KPNA1: variants seen among roughly 807,000 people sequenced by gnomAD.
The protein encoded by KPNA1 is karyopherin subunit alpha 1, also known as importin subunit alpha-5.
A neutral mutation model predicts 70.5 loss-of-function variants in KPNA1; 10 were observed. The ratio of observed to expected loss-of-function variants is 0.14; its 90% CI spans 0.09 to 0.24. KPNA1 has a LOEUF of 0.24. KPNA1 is among the 10% of genes least tolerant of loss of function. KPNA1 has a pLI of 1.00. For missense variants in KPNA1, 397 were observed against 637.9 expected, an observed-to-expected ratio of 0.62 and a Z score of 4.07; for synonymous variants, 192 against 221.9, an observed-to-expected ratio of 0.87 and a Z score of 1.20.
chr3:122,461,340 GA>G lies in KPNA1; in HGVS notation c.338-23del, dbSNP rs746212810. 1,266 of 1,439,392 alleles carry G rather than the reference GA, an allele frequency of 8.8e-4. 1 individual carries two copies. Among genetic ancestry groups the G allele is most frequent in the African/African-American group, 2.2e-3 (150 of 68,596 alleles). The allele number at this position is 1,439,392 out of a possible 1,614,324, so 89.2% of individuals were successfully genotyped here. ...GGTTCTGTTTCCCCATAAAATAAAA[GA>G]AAAAAAAAATCCTTTGATTTCAATG... is the stretch of plus-strand genomic sequence containing the variant. On this transcript the variant is annotated intron_variant, in intron 4 of 13. Coordinates refer to ENST00000344337, the MANE Select transcript of KPNA1 (RefSeq NM_002264.4).
chr3:122,495,877 A>C (rs2076754521), intron 2 of KPNA1, among the ~76,000 whole-genome samples: 1 of 152,216 alleles, frequency 6.6e-6, no homozygotes, highest in African/African-American at 2.4e-5. Context: ...ATACAGAATT[A>C]ATCTGGAATA....
At chr3:122,483,760 T>G (rs1279630532) in intron 2 of KPNA1, among the ~76,000 whole-genome samples, 1 of 152,216 alleles carries the variant, frequency 6.6e-6, no homozygotes, top group Non-Finnish European at 1.5e-5. Context: ...AATGCTTTTC[T>G]TAAGAGGTGA....
chr3:122,427,454 G>A, intron 13 of KPNA1, 84 bp downstream of exon 13: 1 of 1,307,596 alleles, frequency 7.6e-7, no homozygotes, highest in Non-Finnish European at 1.1e-6. Context: ...CCAGTGCCTA[G>A]CAGTAGTAGT....
intron 10 of KPNA1, among the ~76,000 whole-genome samples, chr3:122,439,782 T>G (rs1421559447): frequency 6.6e-6 from 1 of 152,126 alleles, no homozygotes. Flanking sequence ...AGTACGTAAT[T>G]TGATGGGGAT....
chr3:122,433,533 C>T (rs2075942323), intron 12 of KPNA1, 128 bp downstream of exon 12: 1 of 666,544 alleles, frequency 1.5e-6, no homozygotes, highest in South Asian at 2.9e-5. Context: ...GTAAGATCGT[C>T]TCTCACTTAC....
intron 6 of KPNA1, among the ~76,000 whole-genome samples, chr3:122,452,734 G>A (rs115085022): frequency 2.8e-5 from 4 of 145,080 alleles, no homozygotes; most frequent in East Asian, 2.0e-4. Flanking sequence ...AAGGAGAGAC[G>A]GAGGGAAGGA....
chr3:122,496,142 A>T (rs1056011695), intron 2 of KPNA1, among the ~76,000 whole-genome samples: 1 of 152,242 alleles, frequency 6.6e-6, no homozygotes, highest in Non-Finnish European at 1.5e-5. Context: ...TTAAAGAAGA[A>T]AGTTGCACCC....
At position 122,452,689 on chromosome 3, in the gene KPNA1, G is replaced by A. The variant is rs879560521; in HGVS notation, c.565-625C>T. 3.2e-3 allele frequency among the ~76,000 whole-genome samples: 444 copies of A among 139,462 alleles called. 3 individuals carry two copies. Among genetic ancestry groups the A allele is most frequent in the Admixed American group, 8.9e-3 (126 of 14,212 alleles). The allele number at this position is 139,462 out of a possible 152,430, so 91.5% of individuals were successfully genotyped here. A position where few individuals can be genotyped will look rare whatever the true frequency, so the allele number is the denominator to read the frequency against. ...AGCAAGAGAAGGAGGGAAGGAGGGAGGGAGGGAGAGACGGAGAGACGGAGG... is the reference window on the plus strand; with the variant it reads ...AGCAAGAGAAGGAGGGAAGGAGGGAAGGAGGGAGAGACGGAGAGACGGAGG... On this transcript the variant is annotated intron_variant, in intron 6 of 13. Coordinates refer to ENST00000344337, the MANE Select transcript of KPNA1 (RefSeq NM_002264.4).
chr3:122,432,530 T>C (rs1038531071), intron 12 of KPNA1: 1 of 152,240 alleles, frequency 6.6e-6, no homozygotes, highest in Admixed American at 6.5e-5. Flanking sequence ...ATGTAAGTAG[T>C]AGCTATGTTT....
intron 6 of KPNA1, among the ~76,000 whole-genome samples, chr3:122,453,514 TTTTTTTTGTTTTTC>T (rs371357779): frequency 3.1e-3 from 334 of 107,814 alleles, no homozygotes; most frequent in African/African-American, 9.0e-3. Flanking sequence ...AATTTTGTGG[TTTTTTTTGTTTTTC>T]TTTTTTTGTT....
intron 1 of KPNA1, among the ~76,000 whole-genome samples, chr3:122,512,720 A>G (rs925062072): frequency 7.2e-5 from 11 of 152,238 alleles, no homozygotes; most frequent in African/African-American, 2.7e-4. Flanking sequence ...AGCATCCAAA[A>G]AAATAAATAA....
chr3:122,454,162 G>C (rs919112543), intron 5 of KPNA1, among the ~76,000 whole-genome samples, 161 bp from the exon 6 acceptor site: 2 of 152,086 alleles, frequency 1.3e-5, no homozygotes, highest in Non-Finnish European at 2.9e-5. Context: ...AGAATATCCA[G>C]AAGAAATACC....
intron 1 of KPNA1, among the ~76,000 whole-genome samples, chr3:122,508,689 A>G (rs759400013): frequency 6.6e-6 from 1 of 152,072 alleles, no homozygotes; most frequent in East Asian, 1.9e-4. Context: ...AAACAAACCT[A>G]TGAGTATATG....
chr3:122,471,692 A>T (rs943944298), intron 2 of KPNA1, among the ~76,000 whole-genome samples: 1 of 152,112 alleles, frequency 6.6e-6, no homozygotes, highest in Non-Finnish European at 1.5e-5. Context: ...AAATACAAAA[A>T]TTAGCCAGGC....
chr3:122,468,543 C>T (rs1489448448), intron 2 of KPNA1, among the ~76,000 whole-genome samples: 1 of 152,156 alleles, frequency 6.6e-6, no homozygotes, highest in Non-Finnish European at 1.5e-5. Flanking sequence ...CAGTACATGT[C>T]CAGCTATCAA....
At chr3:122,427,288 A>G (rs2075835555) in intron 13 of KPNA1, 116 bp from the exon 14 acceptor site, 1 of 832,122 alleles carries the variant, frequency 1.2e-6, no homozygotes, top group Non-Finnish European at 1.8e-6. Flanking sequence ...TGATGTAAAG[A>G]AAGATTATTT....
intron 1 of KPNA1, among the ~76,000 whole-genome samples, chr3:122,498,096 C>G (rs989130678): frequency 2.0e-5 from 3 of 152,130 alleles, no homozygotes; most frequent in African/African-American, 7.2e-5. Flanking sequence ...TTGCATGTGT[C>G]TATCCAGCTG....
At chr3:122,443,938 C>T (rs928014677) in intron 9 of KPNA1, among the ~76,000 whole-genome samples, 4 of 152,126 alleles carry the variant, frequency 2.6e-5, no homozygotes, top group African/African-American at 7.2e-5. Flanking sequence ...AGCAGAAAAC[C>T]GGTCTGACTA....
At chr3:122,435,043 C>A (rs7611776) in intron 11 of KPNA1, among the ~76,000 whole-genome samples, 5 of 152,128 alleles carry the variant, frequency 3.3e-5, no homozygotes, top group Non-Finnish European at 7.4e-5. Flanking sequence ...CACCTAATCC[C>A]GGTCCTGTCA....
Sources: gnomAD v4.1 joint callset for allele counts (sites outside exome capture counted in the v4.1 genomes callset) on GRCh38, gnomAD v4.1.1 for gene constraint, MANE v1.5 for transcripts, NCBI Gene and HGNC (gene_info 2026-07-23, HGNC 2026-07-21) for gene names.